SHCBP1: variants seen among roughly 807,000 people sequenced by gnomAD.
SHCBP1 encodes SHC SH2 domain-binding protein 1.
SHCBP1 carries 60 observed loss-of-function variants against 75.1 expected under a neutral mutation model. That is an observed-to-expected ratio of 0.80 (90% confidence interval 0.65 to 0.99). The LOEUF (loss-of-function observed/expected upper bound fraction) is 0.99. Among genes scored for constraint, SHCBP1 ranks in the 50% least tolerant of loss-of-function variants. SHCBP1 has a pLI of 0.00. For synonymous variants in SHCBP1, 290 were observed against 293.2 expected, an observed-to-expected ratio of 0.99 and a Z score of 0.11; for missense variants, 709 against 809.4, an observed-to-expected ratio of 0.88 and a Z score of 1.50.
At chr16:46,608,227 C>T (rs770195009) in intron 5 of SHCBP1, 70 bp downstream of exon 5, 1 of 1,040,322 alleles carries the variant, frequency 9.6e-7, no homozygotes, top group Admixed American at 1.9e-5. Context: ...GTGTATCTCA[C>T]ACAGGCAAAA....
At chr16:46,582,255 TG>T (rs1487124695) in intron 12 of SHCBP1, among the ~76,000 whole-genome samples, 3 of 152,174 alleles carry the variant, frequency 2.0e-5, no homozygotes, top group Admixed American at 2.0e-4. Flanking sequence ...AGACATTTCC[TG>T]GATAGTTACT....
At chr16:46,608,543 T>C (rs1248341262) in intron 4 of SHCBP1, among the ~76,000 whole-genome samples, 154 bp from the exon 5 acceptor site, 1 of 151,358 alleles carries the variant, frequency 6.6e-6, no homozygotes, top group Non-Finnish European at 1.5e-5. Context: ...TCACACAACA[T>C]AGAGACCTTT....
intron 9 of SHCBP1, among the ~76,000 whole-genome samples, chr16:46,598,087 C>G (rs1965171648): frequency 6.6e-6 from 1 of 152,202 alleles, no homozygotes; most frequent in African/African-American, 2.4e-5. Flanking sequence ...TTCCTCCATT[C>G]AAGTCTTGAA....
At chr16:46,611,053 C>T (rs1338532642) in intron 4 of SHCBP1, among the ~76,000 whole-genome samples, 1 of 152,118 alleles carries the variant, frequency 6.6e-6, no homozygotes, top group East Asian at 1.9e-4. Context: ...TTCCCATGTC[C>T]GCATGGGTTT....
At chr16:46,589,177 T>C (rs968808610) in intron 10 of SHCBP1, among the ~76,000 whole-genome samples, 4 of 152,154 alleles carry the variant, frequency 2.6e-5, no homozygotes, top group Non-Finnish European at 4.4e-5. Flanking sequence ...TATCTCAAAA[T>C]AATAAGAGCT....
chr16:46,595,211 A>C (rs1020000021), intron 10 of SHCBP1, among the ~76,000 whole-genome samples: 1 of 152,170 alleles, frequency 6.6e-6, no homozygotes, highest in Non-Finnish European at 1.5e-5. Context: ...GTTGCACGAC[A>C]GTTTCACAAG....
At chr16:46,615,215 CAT>C (rs1412428712) in intron 4 of SHCBP1, among the ~76,000 whole-genome samples, 3 of 152,160 alleles carry the variant, frequency 2.0e-5, no homozygotes, top group Non-Finnish European at 4.4e-5. Context: ...ATACACATAA[CAT>C]AGAAAATATG....
chr16:46,582,045 G>A lies in SHCBP1; in HGVS notation c.1703C>T (p.Ala568Val), dbSNP rs755336529. 61 of 1,594,822 alleles carry A rather than the reference G, an allele frequency of 3.8e-5. No individual in the cohort carries two copies. In the East Asian group the frequency reaches 4.9e-4, roughly 13 times the overall value. ...CTCTCCACTTGTCTGAATTTTAAGC[G>A]CTTTATTTTCTGGAGAAACAAACAA... is the stretch of plus-strand genomic sequence containing the variant. The part of the protein sequence containing the change: ...NAEDGTEENK[A>V]LKIQTSGEPD... The change falls in exon 13 of 13, where the codon GCG becomes GTG. Residue 568 changes from alanine to valine, a missense_variant. Ala to Val is a moderately conservative substitution (Grantham distance 64). Coordinates refer to ENST00000303383, the MANE Select transcript of SHCBP1 (RefSeq NM_024745.5).
Position 46,603,550 on chromosome 16 carries a change from A to G in SHCBP1, c.1202T>C (p.Ile401Thr). Residue 401 changes from isoleucine to threonine, a missense_variant, in exon 8 of 13, where the codon ATT (isoleucine) becomes ACT (threonine). By Grantham distance (89) the Ile-to-Thr change is moderately conservative (BLOSUM62 -1). Transcript: ENST00000303383. ...VHGTFSIADSIELEGYGLPDD... is the reference protein window; with the variant it reads ...VHGTFSIADSTELEGYGLPDD... ...TCTTCCATACTCACCTTCCAACTCA[A>G]TGGAGTCAGCAATGGAGAAAGTGCC... is the stretch of plus-strand genomic sequence containing the variant. 2 of 1,614,192 alleles carry G rather than the reference A, an allele frequency of 1.2e-6. No individual in the cohort carries two copies. The highest frequency in any genetic ancestry group is 1.7e-6 in the Non-Finnish European group (2 of 1,180,016).
intron 12 of SHCBP1, among the ~76,000 whole-genome samples, chr16:46,582,550 TG>T (rs915898102): frequency 2.0e-5 from 3 of 152,124 alleles, no homozygotes; most frequent in Non-Finnish European, 4.4e-5. Context: ...GTTGCTGAGA[TG>T]GGGGGGCCAT....
intron 10 of SHCBP1, among the ~76,000 whole-genome samples, chr16:46,586,983 G>A (rs1240408255): frequency 6.6e-6 from 1 of 151,816 alleles, no homozygotes; most frequent in Non-Finnish European, 1.5e-5. Flanking sequence ...AATGATAAAA[G>A]AGAAGATCCT....
At chr16:46,588,808 C>T (rs958696918) in intron 10 of SHCBP1, among the ~76,000 whole-genome samples, 1 of 152,162 alleles carries the variant, frequency 6.6e-6, no homozygotes, top group Admixed American at 6.5e-5. Context: ...GGGAATCCTC[C>T]CTAACTCATT....
At chr16:46,584,710 C>T (rs1185557066) in intron 10 of SHCBP1, among the ~76,000 whole-genome samples, 1 of 152,168 alleles carries the variant, frequency 6.6e-6, no homozygotes, top group Admixed American at 6.6e-5. Flanking sequence ...TTCTCTCATA[C>T]CTTATGGCAC....
intron 1 of SHCBP1, 129 bp from the exon 2 acceptor site, chr16:46,618,501 TACC>T: frequency 2.1e-6 from 2 of 940,580 alleles, no homozygotes; most frequent in Non-Finnish European, 2.9e-6. Context: ...TACTTACCTC[TACC>T]ATTGTGAGAA....
intron 9 of SHCBP1, among the ~76,000 whole-genome samples, chr16:46,597,417 AT>A (rs1005826956): frequency 1.3e-5 from 2 of 152,214 alleles, no homozygotes; most frequent in African/African-American, 2.4e-5. Context: ...ACAAAAAAAA[AT>A]AAAAGTTGTG....
intron 8 of SHCBP1, among the ~76,000 whole-genome samples, chr16:46,601,388 G>T (rs1052225971): frequency 4.6e-5 from 7 of 152,164 alleles, no homozygotes; most frequent in Non-Finnish European, 2.9e-5. Context: ...ACCTGAGTGG[G>T]CTTACAAAAA....
intron 10 of SHCBP1, among the ~76,000 whole-genome samples, chr16:46,592,938 T>C (rs570363469): frequency 1.4e-4 from 1 of 7,214 alleles, no homozygotes; most frequent in Non-Finnish European, 3.5e-4. Flanking sequence ...CATCCACTTA[T>C]GATAAAAATT....
At chr16:46,608,189 G>A in intron 5 of SHCBP1, 108 bp downstream of exon 5, 3 of 668,090 alleles carry the variant, frequency 4.5e-6, no homozygotes, top group South Asian at 3.7e-5. Flanking sequence ...GAGAGAGTGA[G>A]TGAGTGAGTG....
Position 46,579,223 on chromosome 16 carries a change from T to G in SHCBP1, c.*2506A>C, listed in dbSNP as rs76057578. On this transcript the variant is annotated 3_prime_UTR_variant, in exon 13 of 13. Coordinates refer to ENST00000303383, the MANE Select transcript of SHCBP1 (RefSeq NM_024745.5). ...TTAGTCAACACAGAAGGCTATCCTT[T>G]CTCCACATCAGTGTTTTCATCTCAA... is the stretch of plus-strand genomic sequence containing the variant. Among the ~76,000 whole-genome samples the G allele has an allele frequency of 6.6e-6, 1 of 152,180 alleles. No individual in the cohort carries two copies. Among genetic ancestry groups the G allele is most frequent in the Non-Finnish European group, 1.5e-5 (1 of 68,036 alleles).
Sources: gnomAD v4.1 joint callset for allele counts (sites outside exome capture counted in the v4.1 genomes callset) on GRCh38, gnomAD v4.1.1 for gene constraint, MANE v1.5 for transcripts, NCBI Gene and HGNC (gene_info 2026-07-23, HGNC 2026-07-21) for gene names.